The following PDE4D variants were observed in gnomAD, a reference collection of about 807,000 sequenced individuals.
PDE4D encodes 3',5'-cyclic-AMP phosphodiesterase 4D.
In PDE4D, 24 loss-of-function variants were observed where a neutral mutation model predicts 87.4. That is an observed-to-expected ratio of 0.27 (90% CI 0.20 to 0.39). PDE4D has a LOEUF of 0.39. Ranked by LOEUF, PDE4D falls within the 10% of genes least tolerant of loss-of-function variation. The pLI is 1.00. For synonymous variants in PDE4D, 384 were observed against 383.2 expected (o/e 1.00, Z -0.02); for missense variants, 714 against 1,041.0 (o/e 0.69, Z 4.32).
intron 1 of PDE4D, among the ~76,000 whole-genome samples, chr5:59,640,113 G>A (rs1741323241): frequency 6.6e-6 from 1 of 152,068 alleles, no homozygotes; most frequent in Non-Finnish European, 1.5e-5. Context: ...TCATAAGAAT[G>A]CCCAATATTT....
At chr5:59,649,018 A>G (rs1399172337) in intron 1 of PDE4D, among the ~76,000 whole-genome samples, 2 of 152,190 alleles carry the variant, frequency 1.3e-5, no homozygotes, top group Non-Finnish European at 2.9e-5. Flanking sequence ...ATTCTTATAT[A>G]TAGGAAATCC....
intron 1 of PDE4D, among the ~76,000 whole-genome samples, chr5:59,888,780 GA>G (rs1750527442): frequency 1.3e-5 from 2 of 151,792 alleles, no homozygotes; most frequent in Admixed American, 1.3e-4. Flanking sequence ...ATCCTTTAAT[GA>G]AGAAAAAATT....
intron 1 of PDE4D, among the ~76,000 whole-genome samples, chr5:59,619,429 C>T (rs761822046): frequency 2.0e-5 from 3 of 152,202 alleles, no homozygotes; most frequent in Non-Finnish European, 4.4e-5. Context: ...CAGCATATCA[C>T]AATCATCTGT....
intron 5 of PDE4D, among the ~76,000 whole-genome samples, chr5:59,090,890 T>C (rs1215849432): frequency 1.3e-5 from 2 of 148,434 alleles, no homozygotes; most frequent in African/African-American, 2.5e-5. Context: ...GATAAGCATA[T>C]GGCAAGCAAT....
At chr5:59,878,628 G>T (rs562245657) in intron 1 of PDE4D, among the ~76,000 whole-genome samples, 2 of 151,712 alleles carry the variant, frequency 1.3e-5, no homozygotes, top group Middle Eastern at 3.4e-3. Context: ...TTCATTAATT[G>T]TACTTTTTGG....
chr5:59,347,994 ATTTAT>A (rs201313476), intron 1 of PDE4D, among the ~76,000 whole-genome samples: 1,685 of 152,152 alleles, frequency 0.011, 12 homozygotes, highest in Middle Eastern at 0.017. Context: ...CTCAGTCTCT[ATTTAT>A]TTTATTTATT....
chr5:60,244,255 T>G, intron 1 of PDE4D, among the ~76,000 whole-genome samples: 1 of 151,764 alleles, frequency 6.6e-6, no homozygotes, highest in Non-Finnish European at 1.5e-5. Context: ...AAGTGAAAGA[T>G]TTCTACAATG....
chr5:59,359,559 G>A (rs897274746), intron 1 of PDE4D, among the ~76,000 whole-genome samples: 16 of 151,548 alleles, frequency 1.1e-4, no homozygotes, highest in African/African-American at 3.9e-4. Flanking sequence ...TGTTTTTGAA[G>A]AACTGGCTAA....
intron 1 of PDE4D, among the ~76,000 whole-genome samples, chr5:59,682,833 A>C (rs993359678): frequency 3.3e-5 from 5 of 152,198 alleles, no homozygotes; most frequent in Non-Finnish European, 5.9e-5. Flanking sequence ...TAGCAGCCCA[A>C]ATAAATCAAG....
exon 2 of PDE4D, chr5:60,185,582 C>A: frequency 5.2e-6 from 8 of 1,530,192 alleles, no homozygotes; most frequent in Non-Finnish European, 7.0e-6. Flanking sequence ...AAGCAAATCA[C>A]AGGTATTTCT....
At chr5:59,656,473 C>T (rs1413861427) in intron 1 of PDE4D, among the ~76,000 whole-genome samples, 1 of 152,174 alleles carries the variant, frequency 6.6e-6, no homozygotes, top group African/African-American at 2.4e-5. Flanking sequence ...TATTAGAAAC[C>T]ATCTGTTAAG....
rs564236288 is a variant in PDE4D, at chr5:59,200,905, T to C, written c.648-7369A>G. 2.6e-5 allele frequency among the ~76,000 whole-genome samples: 4 copies of C among 152,194 alleles called. No individual in the cohort carries two copies. In the South Asian group the frequency reaches 8.3e-4, roughly 32 times the overall value. ...GACTATTATGGACTACATACTTCCT[T>C]ATAGAATTAGAGTCATAGTGTATAT... On this transcript the variant is annotated intron_variant, in intron 2 of 14. Coordinates refer to ENST00000340635, the MANE Select transcript of PDE4D (RefSeq NM_001104631.2).
intron 1 of PDE4D, among the ~76,000 whole-genome samples, chr5:60,387,172 A>G (rs1762248807): frequency 6.6e-6 from 1 of 152,236 alleles, no homozygotes; most frequent in Non-Finnish European, 1.5e-5. Flanking sequence ...CTGTTACAGA[A>G]AAAGCAAAGA....
intron 3 of PDE4D, among the ~76,000 whole-genome samples, chr5:59,954,568 G>T (rs1758638696): frequency 1.3e-5 from 2 of 152,156 alleles, no homozygotes; most frequent in Admixed American, 6.5e-5. Context: ...CAGGTCTAAA[G>T]ATACTTTAGC....
chr5:60,044,924 C>T (rs562802664), intron 2 of PDE4D, among the ~76,000 whole-genome samples: 2 of 152,210 alleles, frequency 1.3e-5, no homozygotes, highest in African/African-American at 4.8e-5. Context: ...GTTCTAGATC[C>T]CTGAGGAATC....
At chr5:59,616,272 T>C (rs527891529) in intron 1 of PDE4D, among the ~76,000 whole-genome samples, 51 of 152,152 alleles carry the variant, frequency 3.4e-4, no homozygotes, top group Non-Finnish European at 6.5e-4. Context: ...TATTTTTTAT[T>C]AAGATTTACA....
chr5:59,933,581 AG>A (rs1756213933), intron 3 of PDE4D, among the ~76,000 whole-genome samples: 1 of 152,206 alleles, frequency 6.6e-6, no homozygotes, highest in African/African-American at 2.4e-5. Flanking sequence ...TATGTGAGGT[AG>A]CTATTCTTAC....
At chr5:60,269,895 T>C (rs1014151951) in intron 1 of PDE4D, among the ~76,000 whole-genome samples, 35 of 152,190 alleles carry the variant, frequency 2.3e-4, no homozygotes, top group African/African-American at 8.2e-4. Context: ...AATATTTATC[T>C]TATGATAGTA....
intron 2 of PDE4D, among the ~76,000 whole-genome samples, chr5:60,024,799 T>A (rs193276354): frequency 2.6e-4 from 40 of 152,232 alleles, no homozygotes; most frequent in Admixed American, 1.2e-3. Flanking sequence ...CCATTGAATA[T>A]ATAACATATA....
Sources: gnomAD v4.1 joint callset for allele counts (sites outside exome capture counted in the v4.1 genomes callset) on GRCh38, gnomAD v4.1.1 for gene constraint, MANE v1.5 for transcripts, NCBI Gene and HGNC (gene_info 2026-07-23, HGNC 2026-07-21) for gene names.